UNC5A: variants seen among roughly 807,000 people sequenced by gnomAD.
The protein encoded by UNC5A is netrin receptor UNC5A.
A neutral mutation model predicts 87.4 loss-of-function variants in UNC5A; 20 were observed. The observed-to-expected ratio is 0.23, with a 90% CI of 0.16 to 0.33. The LOEUF is 0.33. Ranked by LOEUF, UNC5A falls within the 10% of genes least tolerant of loss-of-function variation. The pLI is 1.00. For missense variants in UNC5A, 844 were observed against 1,133.4 expected, an observed-to-expected ratio of 0.74 and a Z score of 3.67; for synonymous variants, 438 against 482.3, an observed-to-expected ratio of 0.91 and a Z score of 1.20.
chr5:176,819,612 G>A (rs976290573), intron 1 of UNC5A, among the ~76,000 whole-genome samples: 1 of 152,326 alleles, frequency 6.6e-6, no homozygotes, highest in African/African-American at 2.4e-5. Flanking sequence ...GCACGGGATA[G>A]GGGAGAAGAG....
Position 176,878,250 on chromosome 5 carries a change from G to T in UNC5A, c.1876G>T (p.Val626Leu), listed in dbSNP as rs1356605371. 1 of 1,611,476 alleles carries T rather than the reference G, an allele frequency of 6.2e-7. No individual in the cohort carries two copies. ...ACCACCTGGGGCACTGCAGGAGGTG[G>T]TGCAGCTGGAGAAGCAGCTGGGGGG... The part of the protein sequence containing the change: ...HDTHDALKEV[V>L]QLEKQLGGQL... The change falls in exon 12 of 15, where the codon GTG (valine) becomes TTG (leucine). Residue 626 changes from valine to leucine, a missense_variant. Physicochemically the swap from Val to Leu is conservative, Grantham distance 32. Around this residue, in one of 3 missense-constraint regions of UNC5A, gnomAD observed 177 missense variants for 279.4 expected, o/e 0.63. Transcript: ENST00000329542.
In UNC5A at chr5:176,877,925, C is replaced by T. The variant is rs768233791; in HGVS notation, c.1667C>T (p.Ser556Phe). ...DVLHLGEEAP[S>F]HLYYCQLEAS... Reference sequence around the variant, plus strand: ...CTGCACCTGGGCGAGGAGGCGCCCTCCCACCTCTACTACTGCCAGCTGGAG... The same window carrying T: ...CTGCACCTGGGCGAGGAGGCGCCCTTCCACCTCTACTACTGCCAGCTGGAG... Residue 556 changes from serine (S) to phenylalanine (F), a missense_variant, in exon 11 of 15, where the codon TCC (serine) becomes TTC (phenylalanine). By Grantham distance (155) the Ser-to-Phe change is radical (BLOSUM62 -2). Transcript: ENST00000329542. 3.1e-6 allele frequency: 5 copies of T among 1,603,040 alleles called. No individual in the cohort carries two copies. Among genetic ancestry groups the T allele is most frequent in the Non-Finnish European group, 4.2e-6 (5 of 1,179,662 alleles).
At chr5:176,870,159 G>T (rs1018775750) in intron 5 of UNC5A, among the ~76,000 whole-genome samples, 1 of 152,172 alleles carries the variant, frequency 6.6e-6, no homozygotes, top group Admixed American at 6.5e-5. Context: ...AGCCCCTGGC[G>T]TCATCCGCGC....
At chr5:176,876,916 C>T (rs1758275175) in intron 8 of UNC5A, among the ~76,000 whole-genome samples, 1 of 152,188 alleles carries the variant, frequency 6.6e-6, no homozygotes. Context: ...CAAGGGAGGT[C>T]GGTACCGCAT....
Position 176,875,122 on chromosome 5 carries a change from C to T in UNC5A, c.1378+556C>T, listed in dbSNP as rs2149369689. Among the ~76,000 whole-genome samples, 1 of 152,326 alleles carries T rather than the reference C, an allele frequency of 6.6e-6. No homozygotes were observed. Among genetic ancestry groups the T allele is most frequent in the Non-Finnish European group, 1.5e-5 (1 of 68,022 alleles). On this transcript the variant is annotated intron_variant, in intron 8 of 14. Coordinates refer to ENST00000329542, the MANE Select transcript of UNC5A (RefSeq NM_133369.3). The surrounding 1 kb of genome is among the most constrained non-coding windows in gnomAD (Gnocchi z 5.2). ...TGGTTTGCTTGCCCCTCTCCAGCTG[C>T]CTGTTCCATAAATGTAGGTGTGCCT...
rs559570259 is a variant in UNC5A at position 176,844,342 on chromosome 5, G to A, written c.71-18282G>A. Among the ~76,000 whole-genome samples, 7 of 152,278 alleles carry A rather than the reference G, an allele frequency of 4.6e-5. No individual in the cohort carries two copies. The East Asian group carries it at 1.4e-3, about 29-fold the overall frequency. ...CCCACCGCTGGAGTCCCAGGGTGGA[G>A]GTGGGCCCAGATCTGTGCAGGGCCC... On this transcript the variant is annotated intron_variant, in intron 1 of 14. Coordinates refer to ENST00000329542, the MANE Select transcript of UNC5A (RefSeq NM_133369.3). The surrounding 1 kb of genome is among the most constrained non-coding windows in gnomAD (Gnocchi z 4.2).
At chr5:176,856,229 A>T (rs993114689) in intron 1 of UNC5A, among the ~76,000 whole-genome samples, 1 of 152,228 alleles carries the variant, frequency 6.6e-6, no homozygotes, top group African/African-American at 2.4e-5. Context: ...TGGGCCTCAG[A>T]GTTCCGGGCG....
intron 1 of UNC5A, among the ~76,000 whole-genome samples, chr5:176,849,809 G>GT (rs1335014250): frequency 6.6e-6 from 1 of 152,202 alleles, no homozygotes; most frequent in Non-Finnish European, 1.5e-5. Flanking sequence ...ACTGAGGGCT[G>GT]TGCCCCAGCC....
At position 176,845,950 on chromosome 5, in the gene UNC5A, C is replaced by G. The variant is rs563567514; in HGVS notation, c.71-16674C>G. Among the ~76,000 whole-genome samples the G allele has an allele frequency of 8.2e-3, 1,254 of 152,280 alleles. 12 individuals are homozygous for G. Among genetic ancestry groups the G allele is most frequent in the African/African-American group, 0.028 (1,171 of 41,538 alleles). ...GGGAGAGCCAACAAAGGGCTGGGTG[C>G]TGCATGGTGAGTGAAAGGGACAGTG... On this transcript the variant is annotated intron_variant, in intron 1 of 14. Coordinates refer to ENST00000329542, the MANE Select transcript of UNC5A (RefSeq NM_133369.3).
At chr5:176,811,243 G>T (rs1444230403) in intron 1 of UNC5A, among the ~76,000 whole-genome samples, 2 of 152,196 alleles carry the variant, frequency 1.3e-5, no homozygotes, top group Non-Finnish European at 2.9e-5. Context: ...CCTCTTCCCG[G>T]TAGCATCTGC....
intron 1 of UNC5A, among the ~76,000 whole-genome samples, chr5:176,812,487 T>A (rs570965400): frequency 6.6e-6 from 1 of 152,290 alleles, no homozygotes; most frequent in South Asian, 2.1e-4. Context: ...GATGAACGTG[T>A]GTGATGACCA....
chr5:176,846,506 T>C (rs1160503112), intron 1 of UNC5A, among the ~76,000 whole-genome samples: 1 of 152,158 alleles, frequency 6.6e-6, no homozygotes, highest in Non-Finnish European at 1.5e-5. Context: ...TATTGAGGCA[T>C]CTTATACAGC....
At chr5:176,829,138 A>G (rs1225456370) in intron 1 of UNC5A, among the ~76,000 whole-genome samples, 4 of 137,398 alleles carry the variant, frequency 2.9e-5, no homozygotes, top group Non-Finnish European at 3.0e-5. Flanking sequence ...TCTCAAAAAA[A>G]AAAAAAAAAA....
chr5:176,854,081 A>G (rs2113639727), intron 1 of UNC5A, among the ~76,000 whole-genome samples: 1 of 152,272 alleles, frequency 6.6e-6, no homozygotes, highest in Admixed American at 6.5e-5. Context: ...GAAAGAATTC[A>G]GAGGCGTGCA....
intron 1 of UNC5A, among the ~76,000 whole-genome samples, chr5:176,817,325 C>A (rs534806572): frequency 1.3e-5 from 2 of 152,036 alleles, no homozygotes. Flanking sequence ...ATTGACAGCA[C>A]CTGAAGCGCC....
At chr5:176,845,803 G>A (rs1668874112) in intron 1 of UNC5A, among the ~76,000 whole-genome samples, 1 of 152,220 alleles carries the variant, frequency 6.6e-6, no homozygotes, top group African/African-American at 2.4e-5. Context: ...GGCCTCCTCA[G>A]GGAGGTGCCA....
chr5:176,864,630 C>T (rs1445449757), intron 2 of UNC5A, among the ~76,000 whole-genome samples: 15 of 152,230 alleles, frequency 9.9e-5, no homozygotes, highest in Admixed American at 9.8e-4. Flanking sequence ...ACACACCACC[C>T]CTCCGTGAGG....
intron 1 of UNC5A, among the ~76,000 whole-genome samples, chr5:176,832,225 A>G (rs891851064): frequency 1.3e-5 from 2 of 152,092 alleles, no homozygotes; most frequent in African/African-American, 2.4e-5. Flanking sequence ...GCCTCAATGC[A>G]GAGTTTGGAG....
Position 176,877,706 on chromosome 5 carries a change from G to A in UNC5A, c.1635+3G>A, listed in dbSNP as rs1431003833. On this transcript the variant is annotated splice_donor_region_variant and intron_variant, in intron 10 of 14. Coordinates refer to ENST00000329542, the MANE Select transcript of UNC5A (RefSeq NM_133369.3). ...AGTCGTGCGAGGGCAGCTGGGAGGT[G>A]AGCAGGGAACTGACCCGGGCTCCAG... The A allele has an allele frequency of 6.3e-6, 10 of 1,595,454 alleles. No homozygotes were observed. The highest frequency in any genetic ancestry group is 8.6e-6 in the Non-Finnish European group (10 of 1,168,944).
Sources: allele counts gnomAD v4.1 joint callset (sites outside exome capture counted in the v4.1 genomes callset), GRCh38; gene constraint gnomAD v4.1.1; regional missense constraint gnomAD v4.1.1; non-coding constraint Gnocchi (gnomAD v3.1); transcripts MANE v1.5; gene names NCBI Gene and HGNC (gene_info 2026-07-23, HGNC 2026-07-21).